Variants in ZNF469 observed in about 807,000 individuals in gnomAD.
ZNF469 encodes the protein zinc finger protein 469.
A neutral mutation model predicts 1.0 loss-of-function variants in ZNF469; 1 was observed. The ratio of observed to expected loss-of-function variants is 1.00; its 90% CI spans 0.35 to 4.73. The LOEUF is 4.73. ZNF469 is among the 30% of genes most tolerant of loss of function. The pLI is 0.16. For synonymous variants in ZNF469, 2,703 were observed against 2,363.4 expected (o/e 1.14, Z -4.17); for missense variants, 6,100 against 5,356.3 (o/e 1.14, Z -4.33).
In ZNF469 at chr16:88,428,821, C is replaced by T. The variant is rs1320893717; in HGVS notation, c.1351C>T (p.Pro451Ser). The T allele has an allele frequency of 6.5e-7, 1 of 1,547,718 alleles. No individual in the cohort carries two copies. ...WDPTAAPYPT[P>S]PGGPLAATRS... ...CCCCACAGCAGCCCCTTACCCCACA[C>T]CTCCTGGGGGCCCCCTGGCTGCCAC... The change falls in exon 3 of 3, where the codon CCT (proline) becomes TCT (serine). Residue 451 changes from proline (P) to serine (S), a missense_variant. Pro to Ser is a moderately conservative substitution (Grantham distance 74). Transcript: ENST00000565624.
At chr16:88,161,852 T>C in the ZNF469 span, among the ~76,000 whole-genome samples, 77 of 152,352 alleles carry the variant, frequency 5.1e-4, no homozygotes, top group Non-Finnish European at 2.1e-4. Flanking sequence ...AGTTTTACTG[T>C]GCAATGTCCT....
the ZNF469 span, among the ~76,000 whole-genome samples, chr16:88,310,761 G>A: frequency 1.3e-5 from 2 of 151,960 alleles, no homozygotes; most frequent in African/African-American, 2.4e-5. Flanking sequence ...AGTATTTTTA[G>A]TAGAGACCGG....
the ZNF469 span, among the ~76,000 whole-genome samples, chr16:88,327,489 T>C: frequency 1.3e-5 from 2 of 152,096 alleles, no homozygotes; most frequent in African/African-American, 4.8e-5. Context: ...AATGTTCTCA[T>C]CTGCGGTTCC....
At chr16:88,144,213 G>T in the ZNF469 span, among the ~76,000 whole-genome samples, 3 of 152,234 alleles carry the variant, frequency 2.0e-5, no homozygotes, top group African/African-American at 7.2e-5. Context: ...AGGCGTGGTG[G>T]GGAGGGCGGG....
At chr16:88,167,352 A>G in the ZNF469 span, among the ~76,000 whole-genome samples, 2 of 152,072 alleles carry the variant, frequency 1.3e-5, no homozygotes, top group African/African-American at 4.8e-5. Context: ...GTGAGCCACC[A>G]TGCCCCGCTC....
the ZNF469 span, among the ~76,000 whole-genome samples, chr16:88,247,916 C>T: frequency 2.8e-4 from 43 of 152,362 alleles, 1 homozygote; most frequent in Middle Eastern, 3.4e-3. Context: ...GCTGAGCTGC[C>T]AGACATCCAA....
the ZNF469 span, among the ~76,000 whole-genome samples, chr16:88,208,799 ACACACTCTCTCTCTCTCTCT>A: frequency 8.4e-5 from 2 of 23,752 alleles, no homozygotes; most frequent in African/African-American, 1.6e-4. Flanking sequence ...ACACACACAC[ACACACTCTCTCTCTCTCTCT>A]CTCTCTCTCT....
chr16:88,300,525 A>G, the ZNF469 span, among the ~76,000 whole-genome samples: 1 of 147,848 alleles, frequency 6.8e-6, no homozygotes, highest in East Asian at 2.0e-4. Context: ...TAAGCCAGAA[A>G]CCCACCACCT....
chr16:88,334,108 GTGTGTC>G, the ZNF469 span, among the ~76,000 whole-genome samples: 2 of 152,004 alleles, frequency 1.3e-5, no homozygotes, highest in Non-Finnish European at 2.9e-5. Context: ...GTCTGTGTCT[GTGTGTC>G]TGTGTCTGTG....
chr16:88,247,444 G>T, the ZNF469 span, among the ~76,000 whole-genome samples: 5 of 149,746 alleles, frequency 3.3e-5, no homozygotes, highest in African/African-American at 1.0e-4. Flanking sequence ...GAGTGAATAA[G>T]TGAGTGAATG....
chr16:88,387,241 G>A (rs898004849), intron 1 of ZNF469, among the ~76,000 whole-genome samples: 10 of 152,204 alleles, frequency 6.6e-5, no homozygotes, highest in Non-Finnish European at 1.0e-4. Context: ...CTCAGTGGCC[G>A]GAGGGTTGCG....
chr16:88,411,556 C>G (rs186635999), intron 1 of ZNF469, among the ~76,000 whole-genome samples: 1 of 140,064 alleles, frequency 7.1e-6, no homozygotes, highest in African/African-American at 2.8e-5. Context: ...ATGGCTCTCC[C>G]GCATGGCTGC....
chr16:88,283,995 C>T, the ZNF469 span, among the ~76,000 whole-genome samples: 6,128 of 48,044 alleles, frequency 0.13, 210 homozygotes, highest in East Asian at 0.22. Flanking sequence ...CGAGTGTGCC[C>T]GAGGTCTGTG....
chr16:88,421,693 AG>A (rs1905463145), intron 1 of ZNF469, among the ~76,000 whole-genome samples: 1 of 152,210 alleles, frequency 6.6e-6, no homozygotes, highest in Non-Finnish European at 1.5e-5. Context: ...ACAGAGGGAC[AG>A]GGTGTGGAGG....
At chr16:88,144,753 G>A in the ZNF469 span, among the ~76,000 whole-genome samples, 1 of 152,160 alleles carries the variant, frequency 6.6e-6, no homozygotes, top group African/African-American at 2.4e-5. Flanking sequence ...AGTTCAACTT[G>A]TTGGGTTTTG....
chr16:88,436,797 G>C lies in ZNF469; in HGVS notation c.9327G>C (p.Lys3109Asn), dbSNP rs369198557. 67 of 1,542,446 alleles carry C rather than the reference G, an allele frequency of 4.3e-5. 2 individuals are homozygous for C. The highest frequency in any genetic ancestry group is 4.2e-4 in the East Asian group (17 of 40,888). Residue 3109 changes from lysine to asparagine, a missense_variant, in exon 3 of 3, where the codon AAG becomes AAC. By Grantham distance (94) the Lys-to-Asn change is moderately conservative. Transcript: ENST00000565624. ...CCCAAGGCAGAGGCCGGCCGGCCAA[G>C]GGCAGGCGGGCCTCCTACAAGTGCA... ...GRAQGRGRPA[K>N]GRRASYKCKV...
At chr16:88,258,938 G>C in the ZNF469 span, among the ~76,000 whole-genome samples, 1 of 152,202 alleles carries the variant, frequency 6.6e-6, no homozygotes, top group Non-Finnish European at 1.5e-5. Context: ...GAACTGCCTT[G>C]TCCGTGGGGT....
the ZNF469 span, among the ~76,000 whole-genome samples, chr16:88,315,714 C>G: frequency 1.3e-5 from 2 of 152,196 alleles, no homozygotes; most frequent in Admixed American, 6.5e-5. Flanking sequence ...AGCCGATCAG[C>G]TTCTAAAGCC....
chr16:88,381,044 TCACA>T (rs1382090859), upstream of ZNF469, among the ~76,000 whole-genome samples: 2 of 87,344 alleles, frequency 2.3e-5, no homozygotes, highest in African/African-American at 9.1e-5. Context: ...ACACATGCAC[TCACA>T]CAGACACGCT....
Sources: gnomAD v4.1 joint callset for allele counts (sites outside exome capture counted in the v4.1 genomes callset) on GRCh38, gnomAD v4.1.1 for gene constraint, MANE v1.5 for transcripts, NCBI Gene and HGNC (gene_info 2026-07-23, HGNC 2026-07-21) for gene names.